FOXP1: variants seen among roughly 807,000 people sequenced by gnomAD.
The protein encoded by FOXP1 is forkhead box protein P1.
In FOXP1, 15 loss-of-function variants were observed where a neutral mutation model predicts 98.2. The observed-to-expected ratio is 0.15, with a 90% CI of 0.10 to 0.24. The LOEUF (loss-of-function observed/expected upper bound fraction) is 0.24, where lower values mean the gene tolerates loss of function less well. Ranked by LOEUF, FOXP1 falls within the 10% of genes least tolerant of loss-of-function variation. The pLI is 1.00. For missense variants in FOXP1, 633 were observed against 848.5 expected, an observed-to-expected ratio of 0.75 and a Z score of 3.15; for synonymous variants, 371 against 314.5, an observed-to-expected ratio of 1.18 and a Z score of -1.90.
chr3:71,072,509 G>A (rs997085025), intron 7 of FOXP1, among the ~76,000 whole-genome samples: 2 of 152,186 alleles, frequency 1.3e-5, no homozygotes, highest in African/African-American at 4.8e-5. Context: ...TAGGTCATAA[G>A]CCCTATGAAA....
intron 2 of FOXP1, among the ~76,000 whole-genome samples, chr3:71,535,155 G>A (rs2044187505): frequency 6.6e-6 from 1 of 152,170 alleles, no homozygotes; most frequent in Non-Finnish European, 1.5e-5. Flanking sequence ...GTGGGTCTTT[G>A]ATCCCACATG....
At chr3:71,160,898 T>C (rs1322162345) in intron 6 of FOXP1, among the ~76,000 whole-genome samples, 1 of 152,186 alleles carries the variant, frequency 6.6e-6, no homozygotes, top group Admixed American at 6.5e-5. Context: ...TAGATTGAAC[T>C]ACAGAAGCCT....
chr3:71,077,880 T>A lies in FOXP1; in HGVS notation c.283-24107A>T, dbSNP rs2053978507. On this transcript the variant is annotated intron_variant, in intron 7 of 20. Coordinates refer to ENST00000649528, the MANE Select transcript of FOXP1 (RefSeq NM_001349338.3). Reference sequence around the variant, plus strand: ...GGAGTTTCACTCTTGTTGCCCAGGCTGGAGTGCAATGGCGTGATCTCGGCT... The same window carrying A: ...GGAGTTTCACTCTTGTTGCCCAGGCAGGAGTGCAATGGCGTGATCTCGGCT... 2.6e-5 allele frequency among the ~76,000 whole-genome samples: 4 copies of A among 151,792 alleles called. No homozygotes were observed. The South Asian group carries it at 8.3e-4, about 32-fold the overall frequency.
At chr3:71,544,111 C>A (rs1177696106) in intron 2 of FOXP1, among the ~76,000 whole-genome samples, 1 of 151,656 alleles carries the variant, frequency 6.6e-6, no homozygotes, top group East Asian at 1.9e-4. Flanking sequence ...TTTACTATGT[C>A]TTTTAGGAAA....
chr3:71,239,958 C>G (rs2067109303), intron 5 of FOXP1, among the ~76,000 whole-genome samples: 1 of 152,192 alleles, frequency 6.6e-6, no homozygotes, highest in East Asian at 1.9e-4. Flanking sequence ...AGCCTCCTAT[C>G]AGAGAACTGC....
intron 2 of FOXP1, among the ~76,000 whole-genome samples, chr3:71,548,682 A>G (rs1306056166): frequency 6.6e-6 from 1 of 152,140 alleles, no homozygotes; most frequent in East Asian, 1.9e-4. Flanking sequence ...TACAGGTGTG[A>G]GTCACCGCAC....
chr3:70,973,534 T>C (rs1478858930), intron 17 of FOXP1, among the ~76,000 whole-genome samples: 1 of 152,250 alleles, frequency 6.6e-6, no homozygotes, highest in East Asian at 1.9e-4. Flanking sequence ...GCTTTTAATA[T>C]CTCATCTTTC....
chr3:71,058,440 A>C (rs2050980582), intron 7 of FOXP1, among the ~76,000 whole-genome samples: 1 of 152,176 alleles, frequency 6.6e-6, no homozygotes, highest in African/African-American at 2.4e-5. Flanking sequence ...CAGGAAATTC[A>C]CTTCCGTTCT....
At chr3:71,350,956 C>T (rs1289015466) in intron 4 of FOXP1, among the ~76,000 whole-genome samples, 1 of 152,156 alleles carries the variant, frequency 6.6e-6, no homozygotes, top group African/African-American at 2.4e-5. Context: ...CCTCCCACCA[C>T]CCCCAACTCA....
chr3:71,182,051 A>AAG (rs1576252855), intron 6 of FOXP1, among the ~76,000 whole-genome samples: 2 of 119,618 alleles, frequency 1.7e-5, no homozygotes, highest in East Asian at 4.4e-4. Flanking sequence ...AAGAAAAAAA[A>AAG]GAAAAAAAAA....
chr3:71,121,217 A>G (rs2058742414), intron 6 of FOXP1, among the ~76,000 whole-genome samples: 1 of 152,034 alleles, frequency 6.6e-6, no homozygotes, highest in Admixed American at 6.6e-5. Flanking sequence ...AGGAGGTGGC[A>G]TTCTGCTACA....
At chr3:71,002,488 C>T (rs959088069) in intron 12 of FOXP1, among the ~76,000 whole-genome samples, 13 of 152,116 alleles carry the variant, frequency 8.5e-5, no homozygotes, top group African/African-American at 3.1e-4. Flanking sequence ...CACAAGGAAG[C>T]CCGAGCTAAG....
intron 3 of FOXP1, among the ~76,000 whole-genome samples, chr3:71,422,744 G>A (rs995522545): frequency 2.6e-5 from 4 of 152,040 alleles, no homozygotes; most frequent in African/African-American, 9.7e-5. Flanking sequence ...AGGATCTAGG[G>A]GACAAACTTA....
chr3:71,261,425 T>C (rs2069127160), intron 5 of FOXP1, among the ~76,000 whole-genome samples: 1 of 152,108 alleles, frequency 6.6e-6, no homozygotes, highest in South Asian at 2.1e-4. Flanking sequence ...AAACATAAAA[T>C]TGAGCAAACT....
chr3:71,392,538 G>A (rs977578601), intron 3 of FOXP1, among the ~76,000 whole-genome samples: 2 of 152,162 alleles, frequency 1.3e-5, no homozygotes, highest in African/African-American at 4.8e-5. Flanking sequence ...ATGCTAACTT[G>A]CATATTTCTC....
intron 3 of FOXP1, among the ~76,000 whole-genome samples, chr3:71,475,903 G>GA (rs11329852): frequency 0.011 from 1,432 of 135,570 alleles, 17 homozygotes; most frequent in Admixed American, 0.039. Flanking sequence ...CTCTTCAAGG[G>GA]AAAAAAAAAA....
At chr3:71,550,719 A>C (rs2045711958) in intron 2 of FOXP1, among the ~76,000 whole-genome samples, 1 of 152,214 alleles carries the variant, frequency 6.6e-6, no homozygotes, top group Admixed American at 6.5e-5. Flanking sequence ...TTGTGGTTCA[A>C]ACCCTTAAGA....
At chr3:71,072,741 A>G (rs924777465) in intron 7 of FOXP1, among the ~76,000 whole-genome samples, 1 of 152,214 alleles carries the variant, frequency 6.6e-6, no homozygotes, top group Admixed American at 6.5e-5. Context: ...TATCCAACCC[A>G]GCCTCCCAAA....
At chr3:71,526,133 TAAATAAACAAAC>T (rs758294792) in intron 2 of FOXP1, among the ~76,000 whole-genome samples, 23,329 of 150,468 alleles carry the variant, frequency 0.16, 2,002 homozygotes, top group Middle Eastern at 0.23. Context: ...AATATATAAA[TAAATAAACAAAC>T]AAACAAACAA....
Sources: allele counts gnomAD v4.1 joint callset (sites outside exome capture counted in the v4.1 genomes callset), GRCh38; gene constraint gnomAD v4.1.1; transcripts MANE v1.5; gene names NCBI Gene and HGNC (gene_info 2026-07-23, HGNC 2026-07-21).